The following PDE3A variants were observed in gnomAD, a reference collection of about 807,000 sequenced individuals.
The protein encoded by PDE3A is cGMP-inhibited 3',5'-cyclic phosphodiesterase 3A.
In PDE3A, 43 loss-of-function variants were observed where a neutral mutation model predicts 98.3. The ratio of observed to expected loss-of-function variants is 0.44; its 90% CI spans 0.34 to 0.56. PDE3A has a LOEUF of 0.56. PDE3A is among the 20% of genes least tolerant of loss of function. The pLI is 0.01. For missense variants in PDE3A, 1,427 were observed against 1,440.7 expected, an observed-to-expected ratio of 0.99 and a Z score of 0.15; for synonymous variants, 663 against 567.9, an observed-to-expected ratio of 1.17 and a Z score of -2.38.
chr12:20,523,607 A>G (rs903661276), intron 1 of PDE3A, among the ~76,000 whole-genome samples: 1 of 152,144 alleles, frequency 6.6e-6, no homozygotes, highest in African/African-American at 2.4e-5. Context: ...TGTTGAATTC[A>G]AATGTTGATT....
At chr12:20,543,451 T>A (rs1592039571) in intron 1 of PDE3A, among the ~76,000 whole-genome samples, 2 of 152,032 alleles carry the variant, frequency 1.3e-5, no homozygotes, top group East Asian at 3.9e-4. Context: ...AGCCTTTTGC[T>A]ACTCTTTACG....
In PDE3A at chr12:20,616,241, G is replaced by T. The variant is rs570328857; in HGVS notation, c.1281G>T (p.Arg427Ser). The stretch of plus-strand genomic sequence containing the variant: ...AGTCTCTTTCCTAGCGCCTGAGAAG[G>T]AGTTTGCCTCCTGGCTTGTTGAGAC... ...DKLAIPKRLR[R>S]SLPPGLLRRV... Residue 427 changes from arginine (R) to serine (S), a missense_variant, in exon 4 of 16, where the codon AGG becomes AGT. By Grantham distance (110) the Arg-to-Ser change is moderately radical. Around this residue, in one of 3 missense-constraint regions of PDE3A, gnomAD observed 1,012 missense variants for 886.5 expected, o/e 1.14. Transcript: ENST00000359062. The T allele has an allele frequency of 6.2e-7, 1 of 1,613,680 alleles. No homozygotes were observed. Among genetic ancestry groups the T allele is most frequent in the African/African-American group, 1.3e-5 (1 of 74,872 alleles).
intron 1 of PDE3A, among the ~76,000 whole-genome samples, chr12:20,546,637 A>G (rs963053613): frequency 1.3e-4 from 20 of 152,086 alleles, no homozygotes; most frequent in African/African-American, 4.8e-4. Flanking sequence ...TTTCTTATCA[A>G]ATCAAAAACC....
chr12:20,545,983 G>A (rs1215864018), intron 1 of PDE3A, among the ~76,000 whole-genome samples: 3 of 151,982 alleles, frequency 2.0e-5, no homozygotes, highest in Admixed American at 1.3e-4. Context: ...GAGGAGCGGG[G>A]AGATGTGATG....
chr12:20,463,778 G>C (rs1474342370), intron 1 of PDE3A, among the ~76,000 whole-genome samples: 3 of 152,098 alleles, frequency 2.0e-5, no homozygotes, highest in Non-Finnish European at 2.9e-5. Flanking sequence ...ACATTAAGAA[G>C]GGGACAAAAC....
At chr12:20,492,075 C>T (rs1042292561) in intron 1 of PDE3A, among the ~76,000 whole-genome samples, 1 of 152,014 alleles carries the variant, frequency 6.6e-6, no homozygotes, top group African/African-American at 2.4e-5. Context: ...CCATCTCCCA[C>T]GTTGAAGCTA....
chr12:20,620,936 C>T (rs1944118525), intron 4 of PDE3A, among the ~76,000 whole-genome samples: 1 of 151,976 alleles, frequency 6.6e-6, no homozygotes, highest in South Asian at 2.1e-4. Flanking sequence ...TATGTAAATT[C>T]ACCCGCATCT....
chr12:20,648,467 G>C (rs1250057240), intron 12 of PDE3A, among the ~76,000 whole-genome samples: 1 of 151,878 alleles, frequency 6.6e-6, no homozygotes, highest in Non-Finnish European at 1.5e-5. Flanking sequence ...TTTGGACTAA[G>C]TTTTCAAGGA....
intron 13 of PDE3A, among the ~76,000 whole-genome samples, chr12:20,649,904 G>A (rs1944874828): frequency 6.6e-6 from 1 of 152,098 alleles, no homozygotes; most frequent in Admixed American, 6.6e-5. Flanking sequence ...TCCAGCCTGA[G>A]AGAGAGGGCA....
At chr12:20,654,660 CTTTTTT>C (rs71442265) in intron 15 of PDE3A, among the ~76,000 whole-genome samples, 35 of 85,856 alleles carry the variant, frequency 4.1e-4, no homozygotes, top group African/African-American at 1.5e-3. Context: ...CTACACCCGG[CTTTTTT>C]TTTTTTTTTT....
intron 2 of PDE3A, among the ~76,000 whole-genome samples, chr12:20,602,792 G>A (rs1378572800): frequency 6.6e-6 from 1 of 152,126 alleles, no homozygotes; most frequent in Admixed American, 6.5e-5. Context: ...TTTAGCCAAG[G>A]TTCAGCCTAC....
intron 15 of PDE3A, among the ~76,000 whole-genome samples, chr12:20,668,226 C>T (rs1323505505): frequency 6.6e-6 from 1 of 152,212 alleles, no homozygotes; most frequent in African/African-American, 2.4e-5. Flanking sequence ...TGATTGCTAG[C>T]ACAGCAGTCT....
intron 2 of PDE3A, among the ~76,000 whole-genome samples, chr12:20,607,438 A>G (rs79331912): frequency 6.8e-6 from 1 of 147,518 alleles, no homozygotes; most frequent in Non-Finnish European, 1.5e-5. Context: ...CTCCGTCTCA[A>G]AAAAAAAAAA....
chr12:20,506,299 A>G (rs1382790704), intron 1 of PDE3A, among the ~76,000 whole-genome samples: 1 of 152,074 alleles, frequency 6.6e-6, no homozygotes, highest in Non-Finnish European at 1.5e-5. Flanking sequence ...CATTTAAAAA[A>G]CAGGTGTTTT....
intron 1 of PDE3A, among the ~76,000 whole-genome samples, chr12:20,374,090 A>G (rs5007546): frequency 6.6e-6 from 1 of 151,968 alleles, no homozygotes; most frequent in African/African-American, 2.4e-5. Context: ...AAAGAGCAAT[A>G]TTGATTACTT....
At chr12:20,551,081 T>C (rs557075702) in intron 1 of PDE3A, among the ~76,000 whole-genome samples, 3 of 151,500 alleles carry the variant, frequency 2.0e-5, no homozygotes, top group Admixed American at 6.6e-5. Context: ...TTACTCCCTG[T>C]TTTCCAAATA....
At chr12:20,432,780 T>A (rs1449946854) in intron 1 of PDE3A, among the ~76,000 whole-genome samples, 2 of 152,192 alleles carry the variant, frequency 1.3e-5, no homozygotes, top group Admixed American at 1.3e-4. Flanking sequence ...AATATTCAAT[T>A]TATTATGGCA....
chr12:20,503,585 C>T (rs1202666138), intron 1 of PDE3A, among the ~76,000 whole-genome samples: 1 of 151,922 alleles, frequency 6.6e-6, no homozygotes, highest in Non-Finnish European at 1.5e-5. Context: ...TGATCATTCC[C>T]TATTATATAG....
At chr12:20,551,683 G>T (rs889879251) in intron 1 of PDE3A, 1 of 1,610,386 alleles carries the variant, frequency 6.2e-7, no homozygotes, top group Admixed American at 1.7e-5. Flanking sequence ...CCTCAGCAGT[G>T]TTCCCAGCGA....
Sources: allele counts gnomAD v4.1 joint callset (sites outside exome capture counted in the v4.1 genomes callset), GRCh38; gene constraint gnomAD v4.1.1; regional missense constraint gnomAD v4.1.1; transcripts MANE v1.5; gene names NCBI Gene and HGNC (gene_info 2026-07-23, HGNC 2026-07-21).